ZNF214: variants seen among roughly 807,000 people sequenced by gnomAD.
ZNF214 encodes the protein BWSCR2-associated zinc finger protein 1.
In ZNF214, 43 loss-of-function variants were observed where a neutral mutation model predicts 53.9. The observed-to-expected ratio is 0.80, with a 90% CI of 0.63 to 1.03. The LOEUF (loss-of-function observed/expected upper bound fraction) is 1.03, where lower values mean the gene tolerates loss of function less well. ZNF214 is among the 50% of genes least tolerant of loss of function. The probability of loss-of-function intolerance (pLI) is 0.00; values close to 1 mark genes in which losing one functional copy is unlikely to be tolerated. For synonymous variants in ZNF214, 217 were observed against 229.5 expected (o/e 0.95, Z 0.49); for missense variants, 724 against 719.1 (o/e 1.01, Z -0.08).
chr11:7,000,063 A>G lies in ZNF214; in HGVS notation c.1620T>C (p.Asn540=), dbSNP rs1484508196. 6.2e-7 allele frequency: 1 copy of G among 1,613,314 alleles called. No homozygotes were observed. The highest frequency in any genetic ancestry group is 8.5e-7 in the Non-Finnish European group (1 of 1,179,534). The change falls in exon 3 of 3, where the codon AAT becomes AAC. Residue 540 remains asparagine, a synonymous_variant. Coordinates refer to ENST00000278314, the MANE Select transcript of ZNF214 (RefSeq NM_013249.4). ...DCGKGFSHSS[N]LHIHQRVHTG... is the part of the protein sequence containing the mutation. ...TATGGACCCTCTGATGAATGTGAAG[A>G]TTAGAACTGTGACTAAAACCCTTTC...
At position 7,000,548 on chromosome 11, in the gene ZNF214, C is replaced by T. The variant is rs755327698; in HGVS notation, c.1135G>A (p.Val379Ile). 2.5e-6 allele frequency: 4 copies of T among 1,612,008 alleles called. No individual in the cohort carries two copies. Among genetic ancestry groups the T allele is most frequent in the Non-Finnish European group, 3.4e-6 (4 of 1,179,082 alleles). The change falls in exon 3 of 3, where the codon GTC (valine) becomes ATC (isoleucine). Residue 379 changes from valine to isoleucine, a missense_variant. Physicochemically the swap from Val to Ile is conservative, Grantham distance 29. Transcript: ENST00000278314. ...TTATATGGTTTTTCTCCTGTGTGGA[C>T]TCTCTGATGAACATGAAGTACTGAA... ...RSSVLHVHQR[V>I]HTGEKPYKCD...
In ZNF214 at chr11:7,018,495, C is replaced by CTTTTTTTTTTTTTTTTT. The variant is rs55641448; in HGVS notation, c.-21+1561_-21+1577dup. Among the ~76,000 whole-genome samples the CTTTTTTTTTTTTTTTTT allele has an allele frequency of 3.2e-5, 2 of 61,876 alleles. 1 individual carries two copies. The allele number at this position is 61,876 out of a possible 152,430, so 40.6% of individuals were successfully genotyped here. A position where few individuals can be genotyped will look rare whatever the true frequency, so the allele number is the denominator to read the frequency against. ...TAGTTTATTACCCCCAATGTTAAGA[C>CTTTTTTTTTTTTTTTTT]TTTTTTTTTTTTTTTTTTTTTTTTG... On this transcript the variant is annotated intron_variant, in intron 1 of 2. Coordinates refer to ENST00000278314, the MANE Select transcript of ZNF214 (RefSeq NM_013249.4).
At chr11:7,015,167 C>G (rs79296249) in intron 1 of ZNF214, among the ~76,000 whole-genome samples, 1 of 148,680 alleles carries the variant, frequency 6.7e-6, no homozygotes, top group East Asian at 2.0e-4. Flanking sequence ...TCTCGGCTCA[C>G]TGCAAGCTCT....
chr11:7,000,406 C>G lies in ZNF214; in HGVS notation c.1277G>C (p.Arg426Pro). ...CEDCGKGFTQ[R>P]SNLQIHQRVH... ...TCTCTGATGAATTTGAAGATTTGAG[C>G]GCTGGGTAAAGCCTTTACCACAGTC... is the stretch of plus-strand genomic sequence containing the variant. The change falls in exon 3 of 3, where the codon CGC becomes CCC. Residue 426 changes from arginine to proline, a missense_variant. Transcript: ENST00000278314. The G allele has an allele frequency of 6.2e-7, 1 of 1,613,332 alleles. No homozygotes were observed. Among genetic ancestry groups the G allele is most frequent in the Non-Finnish European group, 8.5e-7 (1 of 1,179,588 alleles).
intron 2 of ZNF214, 66 bp from the exon 3 acceptor site, chr11:7,001,621 A>C: frequency 6.7e-7 from 1 of 1,499,776 alleles, no homozygotes; most frequent in Middle Eastern, 1.9e-4. Flanking sequence ...CCAACTATCT[A>C]AATCAATGAC....
At chr11:7,019,083 A>G (rs1268407833) in intron 1 of ZNF214, among the ~76,000 whole-genome samples, 1 of 152,182 alleles carries the variant, frequency 6.6e-6, no homozygotes, top group African/African-American at 2.4e-5. Context: ...ACTATGAGGG[A>G]AACAGTGTAC....
chr11:7,006,601 T>G (rs1851477637), intron 1 of ZNF214, among the ~76,000 whole-genome samples: 1 of 152,046 alleles, frequency 6.6e-6, no homozygotes, highest in South Asian at 2.1e-4. Flanking sequence ...AATAAGTCTC[T>G]TGTAAAGAGC....
chr11:7,002,776 C>T lies in ZNF214; in HGVS notation c.60G>A (p.Leu20=). Residue 20 remains leucine, a synonymous_variant, in exon 2 of 3, where the codon CTG becomes CTA. Coordinates refer to ENST00000278314, the MANE Select transcript of ZNF214 (RefSeq NM_013249.4). ...TGTAGAGTCTTTTTTGAGAAGAATC[C>T]AGGAATTTCCACTCCTCCCATGTAA... ...IIFTWEEWKF[L]DSSQKRLYRE... 1 of 1,609,638 alleles carries T rather than the reference C, an allele frequency of 6.2e-7. No homozygotes were observed.
chr11:7,013,672 A>T (rs1851670386), intron 1 of ZNF214, among the ~76,000 whole-genome samples: 1 of 151,748 alleles, frequency 6.6e-6, no homozygotes, highest in Admixed American at 6.6e-5. Flanking sequence ...TTTCTCTCTC[A>T]CTGTCTTTTT....
At chr11:7,014,960 T>C (rs1311821595) in intron 1 of ZNF214, among the ~76,000 whole-genome samples, 1 of 152,072 alleles carries the variant, frequency 6.6e-6, no homozygotes, top group East Asian at 1.9e-4. Flanking sequence ...GTCCGTGTTA[T>C]TATATTTTAA....
intron 1 of ZNF214, among the ~76,000 whole-genome samples, chr11:7,010,798 GA>G (rs1411478260): frequency 6.6e-6 from 1 of 151,788 alleles, no homozygotes; most frequent in African/African-American, 2.4e-5. Flanking sequence ...ACACGGTTAT[GA>G]AAAAATACAG....
chr11:7,006,314 A>AC (rs1851470736), intron 1 of ZNF214, among the ~76,000 whole-genome samples: 2 of 151,744 alleles, frequency 1.3e-5, no homozygotes, highest in Admixed American at 6.6e-5. Context: ...TATATAAGTA[A>AC]CCCCCCAACA....
intron 1 of ZNF214, among the ~76,000 whole-genome samples, chr11:7,005,635 A>T (rs892511579): frequency 6.6e-6 from 1 of 152,180 alleles, no homozygotes; most frequent in East Asian, 1.9e-4. Flanking sequence ...TATACTTCCT[A>T]TAGTACATTT....
At chr11:7,010,544 A>G (rs1204643301) in intron 1 of ZNF214, among the ~76,000 whole-genome samples, 1 of 151,866 alleles carries the variant, frequency 6.6e-6, no homozygotes, top group African/African-American at 2.4e-5. Context: ...ACAAAGCTGT[A>G]TATATAACCC....
Position 6,997,644 on chromosome 11 carries a change from A to C in ZNF214, c.*2218T>G, listed in dbSNP as rs1452219791. Among the ~76,000 whole-genome samples the C allele has an allele frequency of 6.6e-6, 1 of 151,092 alleles. No individual in the cohort carries two copies. Among genetic ancestry groups the C allele is most frequent in the Admixed American group, 6.6e-5 (1 of 15,120 alleles). On this transcript the variant is annotated 3_prime_UTR_variant, in exon 3 of 3. Transcript: ENST00000278314. ...CATTCAAAAAGAAAATGTTATTATG[A>C]GTCCCTGCTATTTAAGATCAGAAAT...
chr11:6,997,708 A>G lies in ZNF214; in HGVS notation c.*2154T>C, dbSNP rs112284228. Among the ~76,000 whole-genome samples the G allele has an allele frequency of 5.3e-5, 8 of 151,958 alleles. No homozygotes were observed. Among genetic ancestry groups the G allele is most frequent in the African/African-American group, 1.4e-4 (6 of 41,512 alleles). On this transcript the variant is annotated 3_prime_UTR_variant, in exon 3 of 3. Transcript: ENST00000278314. ...TCTCTCTCCAGTTGCCGGATGTAGC[A>G]ACTAAAAACAGAAATGACCAGTTAA...
chr11:7,000,185 A>G lies in ZNF214; in HGVS notation c.1498T>C (p.Cys500Arg), dbSNP rs1300082585. ...CTGAATCCCTTGCCACACTCTTCAC[A>G]TTTGTAGGGTTTCTCTCCAGTATGT... ...RVHTGEKPYK[C>R]EECGKGFSQR... Residue 500 changes from cysteine (C) to arginine (R), a missense_variant, in exon 3 of 3, where the codon TGT becomes CGT. Physicochemically the swap from Cys to Arg is radical, Grantham distance 180. Coordinates refer to ENST00000278314, the MANE Select transcript of ZNF214 (RefSeq NM_013249.4). 4 of 1,613,316 alleles carry G rather than the reference A, an allele frequency of 2.5e-6. No individual in the cohort carries two copies. The Admixed American group carries it at 6.7e-5, about 27-fold the overall frequency.
Position 7,000,412 on chromosome 11 carries a change from GT to G in ZNF214, c.1270del (p.Thr424ProfsTer190), listed in dbSNP as rs757283848. 6.2e-7 allele frequency: 1 copy of G among 1,613,222 alleles called. No individual in the cohort carries two copies. The highest frequency in any genetic ancestry group is 1.3e-5 in the African/African-American group (1 of 74,920). On this transcript the variant is annotated frameshift_variant, in exon 3 of 3. Transcript: ENST00000278314. LOFTEE classifies it high-confidence loss of function. The stretch of plus-strand genomic sequence containing the variant: ...ATGAATTTGAAGATTTGAGCGCTGG[GT>G]AAAGCCTTTACCACAGTCTTCACAT... The part of the protein sequence containing the change: ...YKCEDCGKGF[T>X]QRSNLQIHQR...
At chr11:7,013,702 C>G (rs1442245456) in intron 1 of ZNF214, among the ~76,000 whole-genome samples, 1 of 152,130 alleles carries the variant, frequency 6.6e-6, no homozygotes, top group Non-Finnish European at 1.5e-5. Context: ...TTGACTCCGC[C>G]GGACTTTGTC....
Sources: gnomAD v4.1 joint callset for allele counts (sites outside exome capture counted in the v4.1 genomes callset) on GRCh38, gnomAD v4.1.1 for gene constraint, MANE v1.5 for transcripts, NCBI Gene and HGNC (gene_info 2026-07-23, HGNC 2026-07-21) for gene names.